Variants in PAX5 observed in about 807,000 individuals in gnomAD.
The protein encoded by PAX5 is paired box protein Pax-5.
PAX5 carries 9 observed loss-of-function variants against 43.7 expected under a neutral mutation model. The ratio of observed to expected loss-of-function variants is 0.21; its 90% CI spans 0.12 to 0.36. PAX5 has a LOEUF of 0.36. Among genes scored for constraint, PAX5 ranks in the 10% least tolerant of loss-of-function variants. The pLI is 1.00. For missense variants in PAX5, 383 were observed against 532.7 expected, an observed-to-expected ratio of 0.72 and a Z score of 2.77; for synonymous variants, 228 against 214.3, an observed-to-expected ratio of 1.06 and a Z score of -0.56.
rs1273604576 is a variant in PAX5 at position 36,837,226 on chromosome 9, T to A, written c.*3334A>T. On this transcript the variant is annotated 3_prime_UTR_variant, in exon 10 of 10. Transcript: ENST00000358127. ...GCCGTGAGAGCCCCAAATGTCAATTTCCCCGTCTATAAAGTAGGCATCATG... is the reference window on the plus strand; with the variant it reads ...GCCGTGAGAGCCCCAAATGTCAATTACCCCGTCTATAAAGTAGGCATCATG... 8.6e-6 allele frequency: 2 copies of A among 232,996 alleles called. No individual in the cohort carries two copies. The highest frequency in any genetic ancestry group is 1.7e-5 in the Non-Finnish European group (2 of 118,024). 14.4% of individuals were successfully genotyped at this position (232,996 alleles called of 1,614,324 possible). A position where few individuals can be genotyped will look rare whatever the true frequency, so the allele number is the denominator to read the frequency against.
At position 36,839,419 on chromosome 9, in the gene PAX5, G is replaced by A. The variant is rs1027897753; in HGVS notation, c.*1141C>T. 6 of 233,778 alleles carry A rather than the reference G, an allele frequency of 2.6e-5. No individual in the cohort carries two copies. Among genetic ancestry groups the A allele is most frequent in the Middle Eastern group, 1.3e-3 (1 of 788 alleles). The allele number at this position is 233,778 out of a possible 1,614,324, so 14.5% of individuals were successfully genotyped here. ...CTGCTAAGCTCCACGAGGACGGGGA[G>A]GGTCTGCCCCGAGAGGATGCTCAGA... On this transcript the variant is annotated 3_prime_UTR_variant, in exon 10 of 10. Transcript: ENST00000358127.
chr9:37,026,490 T>G, intron 1 of PAX5: 2 of 1,314,618 alleles, frequency 1.5e-6, no homozygotes, highest in South Asian at 1.2e-5. Flanking sequence ...CCCAACCCGG[T>G]CCCGGCGGGA....
chr9:36,972,081 G>A (rs900879679), intron 5 of PAX5, among the ~76,000 whole-genome samples: 1 of 152,192 alleles, frequency 6.6e-6, no homozygotes, highest in African/African-American at 2.4e-5. Context: ...AGGAATCTCT[G>A]AAATCCCTCC....
rs145912840 is a variant in PAX5 at position 36,966,684 on chromosome 9, C to G, written c.645G>C (p.Pro215=). The change falls in exon 6 of 10, where the codon CCG becomes CCC. Residue 215 remains proline, a synonymous_variant. Coordinates refer to ENST00000358127, the MANE Select transcript of PAX5 (RefSeq NM_016734.3). ...TCTGCTTCCGGAGGAAGTCTCTGCCCGGAAGCGAGTGGCCGTTCGGCACCG... is the reference window on the plus strand; with the variant it reads ...TCTGCTTCCGGAGGAAGTCTCTGCCGGGAAGCGAGTGGCCGTTCGGCACCG... ...ESPVPNGHSL[P]GRDFLRKQMR... 1.2e-6 allele frequency: 2 copies of G among 1,614,156 alleles called. No homozygotes were observed. The highest frequency in any genetic ancestry group is 1.1e-5 in the South Asian group (1 of 91,080).
intron 8 of PAX5, among the ~76,000 whole-genome samples, chr9:36,875,478 C>G (rs540482159): frequency 9.9e-5 from 15 of 152,212 alleles, no homozygotes; most frequent in African/African-American, 3.6e-4. Flanking sequence ...ATGAAAAGAG[C>G]AGGAAGCTCT....
chr9:36,952,683 C>CA (rs1564004333), intron 6 of PAX5, among the ~76,000 whole-genome samples: 1 of 152,100 alleles, frequency 6.6e-6, no homozygotes, highest in African/African-American at 2.4e-5. Context: ...CTGCAATATA[C>CA]GTTTATATCT....
At chr9:36,934,805 C>T (rs998008788) in intron 6 of PAX5, among the ~76,000 whole-genome samples, 3 of 152,180 alleles carry the variant, frequency 2.0e-5, no homozygotes, top group African/African-American at 7.2e-5. Context: ...AGAGTGTGAG[C>T]TTCATAAGGA....
chr9:37,005,409 G>A (rs1838306567), intron 4 of PAX5, among the ~76,000 whole-genome samples: 3 of 152,230 alleles, frequency 2.0e-5, no homozygotes, highest in African/African-American at 7.2e-5. Context: ...TTCATGGCAG[G>A]GAGGAAATCT....
intron 8 of PAX5, among the ~76,000 whole-genome samples, chr9:36,869,252 G>A (rs527806752): frequency 1.4e-4 from 22 of 152,250 alleles, no homozygotes; most frequent in East Asian, 5.8e-4. Context: ...GCTGGGTTTC[G>A]GAAAGACTGC....
At chr9:36,999,427 C>T (rs1300075913) in intron 5 of PAX5, among the ~76,000 whole-genome samples, 2 of 152,218 alleles carry the variant, frequency 1.3e-5, no homozygotes, top group Non-Finnish European at 2.9e-5. Flanking sequence ...GCTTGCCAGT[C>T]TTGCTCGCCA....
intron 7 of PAX5, among the ~76,000 whole-genome samples, chr9:36,898,756 G>A (rs1012067666): frequency 6.6e-6 from 1 of 152,144 alleles, no homozygotes; most frequent in African/African-American, 2.4e-5. Context: ...GCCACATGAG[G>A]GGGCATAATG....
At chr9:37,011,113 C>T (rs1198739158) in intron 3 of PAX5, among the ~76,000 whole-genome samples, 9 of 146,220 alleles carry the variant, frequency 6.2e-5, no homozygotes, top group Non-Finnish European at 1.2e-4. Flanking sequence ...AGAGTGAGAC[C>T]CTGTCTCAAA....
intron 8 of PAX5, among the ~76,000 whole-genome samples, chr9:36,862,160 A>C (rs1824278329): frequency 6.6e-6 from 1 of 151,878 alleles, no homozygotes; most frequent in Non-Finnish European, 1.5e-5. Flanking sequence ...ACCTCTCGCT[A>C]AGCCTGTCAC....
chr9:37,026,822 C>T (rs1840431489), intron 1 of PAX5: 3 of 649,714 alleles, frequency 4.6e-6, no homozygotes, highest in South Asian at 6.8e-5. Flanking sequence ...GGCTGGCTTC[C>T]CTCCCTGGCT....
At chr9:36,848,985 C>T (rs1029596124) in intron 8 of PAX5, among the ~76,000 whole-genome samples, 1 of 152,244 alleles carries the variant, frequency 6.6e-6, no homozygotes, top group Non-Finnish European at 1.5e-5. Context: ...CCTTTCTAGC[C>T]TTACAGTGGT....
intron 8 of PAX5, among the ~76,000 whole-genome samples, chr9:36,868,151 G>A (rs1347266427): frequency 6.6e-6 from 1 of 152,256 alleles, no homozygotes; most frequent in African/African-American, 2.4e-5. Flanking sequence ...CCTGCTAGAA[G>A]CCAGAGCAAA....
intron 6 of PAX5, among the ~76,000 whole-genome samples, chr9:36,961,829 C>T (rs1294325725): frequency 6.6e-6 from 1 of 152,334 alleles, no homozygotes; most frequent in African/African-American, 2.4e-5. Flanking sequence ...CACATACACA[C>T]GTGCACGCAC....
chr9:36,844,409 C>T lies in PAX5; in HGVS notation c.1099+2434G>A, dbSNP rs75479748. ...GTTCACCTTTCTGAGCCTCATTGTC[C>T]TCTTCCGTATAATAGAGATAATAAT... On this transcript the variant is annotated intron_variant, in intron 9 of 9. Coordinates refer to ENST00000358127, the MANE Select transcript of PAX5 (RefSeq NM_016734.3). Among the ~76,000 whole-genome samples, 777 of 152,294 alleles carry T rather than the reference C, an allele frequency of 5.1e-3. 7 individuals carry two copies. Among genetic ancestry groups the T allele is most frequent in the African/African-American group, 0.018 (732 of 41,550 alleles).
At chr9:36,919,531 T>G (rs1183007535) in intron 7 of PAX5, among the ~76,000 whole-genome samples, 2 of 152,156 alleles carry the variant, frequency 1.3e-5, no homozygotes, top group African/African-American at 4.8e-5. Context: ...GAATTCACTA[T>G]TAAAGATACC....
Sources: gnomAD v4.1 joint callset for allele counts (sites outside exome capture counted in the v4.1 genomes callset) on GRCh38, gnomAD v4.1.1 for gene constraint, MANE v1.5 for transcripts, NCBI Gene and HGNC (gene_info 2026-07-23, HGNC 2026-07-21) for gene names.